Variants in SEMA3A observed in about 807,000 individuals in gnomAD.
The protein encoded by SEMA3A is semaphorin-3A.
In SEMA3A, 29 loss-of-function variants were observed where a neutral mutation model predicts 97.9. The ratio of observed to expected loss-of-function variants is 0.30; its 90% CI spans 0.22 to 0.40. The LOEUF is 0.40. Among genes scored for constraint, SEMA3A ranks in the 10% least tolerant of loss-of-function variants. The pLI is 1.00. For missense variants in SEMA3A, 763 were observed against 951.3 expected (o/e 0.80, Z 2.60); for synonymous variants, 321 against 323.7 (o/e 0.99, Z 0.09).
At chr7:84,280,135 C>T (rs958609493) in intron 3 of SEMA3A, among the ~76,000 whole-genome samples, 3 of 152,066 alleles carry the variant, frequency 2.0e-5, no homozygotes, top group East Asian at 1.9e-4. Context: ...TGGGCTCAAG[C>T]GATCCTCCAC....
intron 3 of SEMA3A, among the ~76,000 whole-genome samples, chr7:84,278,405 G>A (rs564663669): frequency 1.1e-4 from 17 of 152,112 alleles, no homozygotes; most frequent in African/African-American, 4.1e-4. Context: ...TTCAACCTCT[G>A]CCTGTTATCC....
chr7:84,211,477 C>T (rs1798626527), intron 3 of SEMA3A, among the ~76,000 whole-genome samples: 1 of 150,994 alleles, frequency 6.6e-6, no homozygotes, highest in South Asian at 2.1e-4. Context: ...AAAAATTAGT[C>T]GGGCATGCTG....
chr7:84,036,152 A>G (rs564098987), intron 6 of SEMA3A, among the ~76,000 whole-genome samples: 4 of 152,166 alleles, frequency 2.6e-5, no homozygotes, highest in African/African-American at 9.6e-5. Context: ...ATGGAATCCA[A>G]AAATTTGTTT....
intron 4 of SEMA3A, among the ~76,000 whole-genome samples, chr7:84,067,525 T>C (rs1583910180): frequency 6.6e-6 from 1 of 152,132 alleles, no homozygotes; most frequent in East Asian, 1.9e-4. Flanking sequence ...CCTACTCATC[T>C]GACAAAGGGC....
chr7:84,210,321 G>C (rs1798597424), intron 3 of SEMA3A, among the ~76,000 whole-genome samples: 1 of 152,114 alleles, frequency 6.6e-6, no homozygotes, highest in Non-Finnish European at 1.5e-5. Flanking sequence ...TTTTACAGGA[G>C]GCTTCCTGTG....
At chr7:84,287,101 C>T (rs960969837) in intron 3 of SEMA3A, among the ~76,000 whole-genome samples, 1 of 151,938 alleles carries the variant, frequency 6.6e-6, no homozygotes, top group Non-Finnish European at 1.5e-5. Flanking sequence ...GTTTGCATTA[C>T]CTTAGTTTAT....
At chr7:84,061,908 T>G (rs2115691463) in intron 4 of SEMA3A, among the ~76,000 whole-genome samples, 1 of 152,290 alleles carries the variant, frequency 6.6e-6, no homozygotes, top group African/African-American at 2.4e-5. Flanking sequence ...GTGAAATAAT[T>G]TATGGGCTTT....
intron 1 of SEMA3A, among the ~76,000 whole-genome samples, chr7:84,137,293 C>T (rs1326771235): frequency 2.7e-5 from 4 of 150,090 alleles, no homozygotes; most frequent in East Asian, 4.0e-4. Flanking sequence ...CCTAGCTACT[C>T]GGGAGGCTGA....
chr7:84,491,032 T>TAA (rs898208235), intron 1 of SEMA3A, among the ~76,000 whole-genome samples: 1 of 152,150 alleles, frequency 6.6e-6, no homozygotes, highest in African/African-American at 2.4e-5. Flanking sequence ...ATGCAATTCT[T>TAA]AAAGAAATAT....
chr7:84,037,424 C>A (rs1407236363), intron 6 of SEMA3A, among the ~76,000 whole-genome samples: 1 of 152,010 alleles, frequency 6.6e-6, no homozygotes, highest in Non-Finnish European at 1.5e-5. Context: ...ACCTCCCAGG[C>A]TCAGGTGATC....
intron 2 of SEMA3A, among the ~76,000 whole-genome samples, chr7:84,335,518 C>T (rs181069704): frequency 6.6e-6 from 1 of 152,256 alleles, no homozygotes; most frequent in East Asian, 1.9e-4. Context: ...ATTACATACA[C>T]ACACAATATG....
At position 84,367,469 on chromosome 7, in the gene SEMA3A, C is replaced by T. The variant is rs552841645; in HGVS notation, c.-169+4355G>A. Among the ~76,000 whole-genome samples the T allele has an allele frequency of 8.2e-4, 124 of 150,650 alleles. 1 individual carries two copies. The highest frequency in any genetic ancestry group is 2.9e-3 in the African/African-American group (118 of 41,264). ...ATACCGCTTCTTAAGAAAAAAATCG[C>T]CAAACAATAGTTTTGCCAAATATTT... is the stretch of plus-strand genomic sequence containing the variant. On this transcript the variant is annotated intron_variant, in intron 2 of 3. Coordinates refer to the SEMA3A transcript ENST00000424555.
At chr7:84,483,934 C>A (rs1806508406) in intron 1 of SEMA3A, among the ~76,000 whole-genome samples, 1 of 151,758 alleles carries the variant, frequency 6.6e-6, no homozygotes, top group South Asian at 2.1e-4. Context: ...ATCCCAACTA[C>A]TCGGGAGGCT....
chr7:84,139,535 T>G (rs1436255203), intron 1 of SEMA3A, among the ~76,000 whole-genome samples: 1 of 152,092 alleles, frequency 6.6e-6, no homozygotes, highest in East Asian at 1.9e-4. Context: ...GAAAACATAC[T>G]GACTGTAAAA....
chr7:84,267,512 AT>A (rs975654935), intron 3 of SEMA3A, among the ~76,000 whole-genome samples: 1 of 152,062 alleles, frequency 6.6e-6, no homozygotes, highest in Non-Finnish European at 1.5e-5. Flanking sequence ...TGTAAACAAT[AT>A]TTCATGGGTC....
At chr7:83,985,257 C>T (rs1319599578) in intron 13 of SEMA3A, among the ~76,000 whole-genome samples, 179 bp downstream of exon 13, 2 of 151,914 alleles carry the variant, frequency 1.3e-5, no homozygotes, top group Non-Finnish European at 2.9e-5. Flanking sequence ...AACATGAGGG[C>T]AATGAAAACT....
chr7:84,383,028 C>G (rs1037767466), intron 1 of SEMA3A, among the ~76,000 whole-genome samples: 2 of 152,000 alleles, frequency 1.3e-5, no homozygotes, highest in Non-Finnish European at 2.9e-5. Context: ...ACTGGAATCA[C>G]TGGAATAACT....
In SEMA3A at chr7:84,229,279, A is replaced by G. The variant is rs1004754880; in HGVS notation, c.-82-34611T>C. Among the ~76,000 whole-genome samples the G allele has an allele frequency of 2.6e-5, 4 of 152,294 alleles. No individual in the cohort carries two copies. The South Asian group carries it at 8.3e-4, about 32-fold the overall frequency. ...CATTCACCATGAACAATTAAAAAGC[A>G]TTTTTAAAAGTTTAATATAACTCAA... is the stretch of plus-strand genomic sequence containing the variant. On this transcript the variant is annotated intron_variant, in intron 3 of 3. Transcript: ENST00000424555.
intron 2 of SEMA3A, among the ~76,000 whole-genome samples, chr7:84,324,076 A>T (rs1196505543): frequency 1.3e-5 from 2 of 152,224 alleles, no homozygotes; most frequent in Non-Finnish European, 2.9e-5. Context: ...AAACGTGTAA[A>T]TAAATAAAAT....
Sources: allele counts gnomAD v4.1 joint callset (sites outside exome capture counted in the v4.1 genomes callset), GRCh38; gene constraint gnomAD v4.1.1; transcripts MANE v1.5; gene names NCBI Gene and HGNC (gene_info 2026-07-23, HGNC 2026-07-21).